The following VPS13B variants were observed in gnomAD, a reference collection of about 807,000 sequenced individuals.
VPS13B encodes the protein intermembrane lipid transfer protein VPS13B.
Under a neutral mutation model 426.4 loss-of-function variants are expected in VPS13B, and 285 were observed. The observed-to-expected ratio is 0.67, with a 90% CI of 0.61 to 0.74. The LOEUF is 0.74. Among genes scored for constraint, VPS13B ranks in the 30% least tolerant of loss-of-function variants. VPS13B has a pLI of 0.00. For synonymous variants in VPS13B, 1,676 were observed against 1,676.4 expected (o/e 1.00, Z 0.01); for missense variants, 4,537 against 4,782.6 (o/e 0.95, Z 1.51).
chr8:99,425,334 A>G (rs1344380918), intron 21 of VPS13B, among the ~76,000 whole-genome samples: 4 of 152,146 alleles, frequency 2.6e-5, no homozygotes, highest in Non-Finnish European at 5.9e-5. Flanking sequence ...CTGACAAACC[A>G]AATCCAGCAG....
chr8:99,734,955 G>T lies in VPS13B; in HGVS notation c.7050+13908G>T, dbSNP rs543714961. ...TGTCAGAAGAAAAATGGAGCAGCCA[G>T]GACTATGGAAGAGATAATAGGTTCT... On this transcript the variant is annotated intron_variant, in intron 39 of 61. Coordinates refer to ENST00000357162, the MANE Select transcript of VPS13B (RefSeq NM_152564.5). Among the ~76,000 whole-genome samples the T allele has an allele frequency of 9.2e-5, 14 of 152,280 alleles. No individual in the cohort carries two copies. The South Asian group carries it at 1.2e-3, about 14-fold the overall frequency.
At chr8:99,536,670 C>T (rs1411902017) in intron 30 of VPS13B, 2 of 534,424 alleles carry the variant, frequency 3.7e-6, no homozygotes, top group Non-Finnish European at 7.7e-6. Context: ...ACTGACACAA[C>T]AGTGAAAAGA....
At chr8:99,495,792 T>A (rs1820852390) in intron 25 of VPS13B, among the ~76,000 whole-genome samples, 1 of 152,216 alleles carries the variant, frequency 6.6e-6, no homozygotes, top group South Asian at 2.1e-4. Context: ...TGCTTTTTTA[T>A]TGGGTTTATT....
chr8:99,810,657 C>T (rs891204775), intron 44 of VPS13B, among the ~76,000 whole-genome samples: 3 of 152,088 alleles, frequency 2.0e-5, no homozygotes, highest in Non-Finnish European at 4.4e-5. Flanking sequence ...TTATTGATTG[C>T]CTAAAGTGGA....
intron 44 of VPS13B, among the ~76,000 whole-genome samples, chr8:99,815,344 C>G (rs917731918): frequency 6.6e-6 from 1 of 152,036 alleles, no homozygotes; most frequent in Non-Finnish European, 1.5e-5. Flanking sequence ...CCAAGAAGAG[C>G]TGATGCTTCA....
Position 99,156,570 on chromosome 8 carries a change from A to G in VPS13B, c.2035A>G (p.Thr679Ala), listed in dbSNP as rs755151137. 3.7e-6 allele frequency: 6 copies of G among 1,614,066 alleles called. No individual in the cohort carries two copies. In the Admixed American group the frequency reaches 1.0e-4, roughly 27 times the overall value. Residue 679 changes from threonine (T) to alanine (A), a missense_variant, in exon 15 of 62, where the codon ACT (threonine) becomes GCT (alanine). Thr to Ala is a moderately conservative substitution (Grantham distance 58). Coordinates refer to ENST00000357162, the MANE Select transcript of VPS13B (RefSeq NM_152564.5). ...GEKNSSNFMN[T>A]TNFQSLRPLP... ...CTAGAACTCAAGTAACTTCATGAATACTACAAACTTCCAGTCTCTTCGGCC... is the reference window on the plus strand; with the variant it reads ...CTAGAACTCAAGTAACTTCATGAATGCTACAAACTTCCAGTCTCTTCGGCC...
At chr8:99,798,220 A>C (rs1299042523) in intron 43 of VPS13B, among the ~76,000 whole-genome samples, 3 of 150,196 alleles carry the variant, frequency 2.0e-5, no homozygotes, top group Non-Finnish European at 4.4e-5. Flanking sequence ...CAGTAATTGA[A>C]ATAGCCAAAA....
At chr8:99,039,318 A>G (rs960647963) in intron 3 of VPS13B, among the ~76,000 whole-genome samples, 7 of 152,298 alleles carry the variant, frequency 4.6e-5, no homozygotes, top group Middle Eastern at 3.4e-3. Flanking sequence ...AAGTTTTGGT[A>G]TAAGAAACTG....
intron 14 of VPS13B, among the ~76,000 whole-genome samples, chr8:99,148,566 C>T (rs1810879958): frequency 6.6e-6 from 1 of 151,880 alleles, no homozygotes; most frequent in Non-Finnish European, 1.5e-5. Context: ...AGACCATATG[C>T]CAGCTATAAT....
intron 36 of VPS13B, among the ~76,000 whole-genome samples, chr8:99,706,583 A>T (rs188391225): frequency 2.0e-5 from 3 of 152,276 alleles, no homozygotes; most frequent in Non-Finnish European, 2.9e-5. Flanking sequence ...TAACCAAATT[A>T]GTCATTTCTG....
At chr8:99,709,672 A>G (rs1266113007) in intron 36 of VPS13B, among the ~76,000 whole-genome samples, 1 of 152,204 alleles carries the variant, frequency 6.6e-6, no homozygotes, top group African/African-American at 2.4e-5. Context: ...ATCAGCAGGA[A>G]AGCATTCTGT....
chr8:99,049,454 T>TA (rs1843414268), intron 3 of VPS13B, among the ~76,000 whole-genome samples: 1 of 152,186 alleles, frequency 6.6e-6, no homozygotes, highest in South Asian at 2.1e-4. Flanking sequence ...TCTTGGCAGA[T>TA]AATTGCTTTG....
chr8:99,121,072 T>C, intron 7 of VPS13B, 105 bp from the exon 8 acceptor site: 1 of 979,182 alleles, frequency 1.0e-6, no homozygotes. Context: ...TGTTTATACC[T>C]TATATTAGAA....
At chr8:99,511,623 T>C in intron 29 of VPS13B, 111 bp downstream of exon 29, 4 of 1,107,050 alleles carry the variant, frequency 3.6e-6, no homozygotes, top group Non-Finnish European at 5.2e-6. Context: ...GGTTGTGCTT[T>C]GTGGTTTGGT....
At chr8:99,867,486 G>C (rs199815186) in intron 58 of VPS13B, among the ~76,000 whole-genome samples, 2 of 152,268 alleles carry the variant, frequency 1.3e-5, no homozygotes, top group East Asian at 3.9e-4. Context: ...ATTCCAGTGA[G>C]AGAGAAAGGT....
intron 3 of VPS13B, among the ~76,000 whole-genome samples, chr8:99,047,627 G>C (rs1843301790): frequency 6.6e-6 from 1 of 151,916 alleles, no homozygotes; most frequent in Non-Finnish European, 1.5e-5. Context: ...AGATCATCTG[G>C]TTGTGTTCTT....
chr8:99,694,111 G>A (rs1391668656), intron 35 of VPS13B, among the ~76,000 whole-genome samples: 1 of 65,826 alleles, frequency 1.5e-5, no homozygotes, highest in African/African-American at 6.3e-5. Context: ...TGTGAAAATG[G>A]CCATACTGCC....
chr8:99,372,261 A>C lies in VPS13B; in HGVS notation c.2825-11947A>C, dbSNP rs1213345160. Among the ~76,000 whole-genome samples the C allele has an allele frequency of 7.9e-5, 12 of 151,892 alleles. 1 individual carries two copies. Among genetic ancestry groups the C allele is most frequent in the East Asian group, 3.9e-4 (2 of 5,170 alleles). ...CGAGACTCCGTCTCAAAAAAAAAAA[A>C]AAAACAAAAAACACCAAAAGCAATG... On this transcript the variant is annotated intron_variant, in intron 19 of 61. Coordinates refer to ENST00000357162, the MANE Select transcript of VPS13B (RefSeq NM_152564.5).
chr8:99,574,874 C>A (rs1351745263), intron 31 of VPS13B, among the ~76,000 whole-genome samples: 1 of 152,080 alleles, frequency 6.6e-6, no homozygotes, highest in Non-Finnish European at 1.5e-5. Context: ...CACACAAAAA[C>A]CTTAACAGCT....
Sources: gnomAD v4.1 joint callset for allele counts (sites outside exome capture counted in the v4.1 genomes callset) on GRCh38, gnomAD v4.1.1 for gene constraint, MANE v1.5 for transcripts, NCBI Gene and HGNC (gene_info 2026-07-23, HGNC 2026-07-21) for gene names.